EXOC4: variants seen among roughly 807,000 people sequenced by gnomAD.
The protein encoded by EXOC4 is exocyst complex component 4.
Under a neutral mutation model 107.2 loss-of-function variants are expected in EXOC4, and 71 were observed. The ratio of observed to expected loss-of-function variants is 0.66; its 90% CI spans 0.55 to 0.81. The LOEUF (loss-of-function observed/expected upper bound fraction) is 0.81, where lower values mean the gene tolerates loss of function less well. EXOC4 is among the 30% of genes least tolerant of loss of function. EXOC4 has a pLI of 0.00. For synonymous variants in EXOC4, 456 were observed against 441.2 expected, an observed-to-expected ratio of 1.03 and a Z score of -0.42; for missense variants, 1,108 against 1,189.6, an observed-to-expected ratio of 0.93 and a Z score of 1.01.
In EXOC4 at chr7:133,374,899, T is replaced by C; in HGVS notation, c.1079T>C (p.Leu360Pro). 6.2e-7 allele frequency: 1 copy of C among 1,614,034 alleles called. No individual in the cohort carries two copies. ...GTAGCCGCTGCACACTCTGTGGTCC[T>C]GGGATACCTGCAGGACACTGTAGTG... ...NAVAAAHSVVLGYLQDTVVTP... is the reference protein window; with the variant it reads ...NAVAAAHSVVPGYLQDTVVTP... Residue 360 changes from leucine to proline, a missense_variant, in exon 7 of 18, where the codon CTG (leucine) becomes CCG (proline). By Grantham distance (98) the Leu-to-Pro change is moderately conservative (BLOSUM62 -3). Transcript: ENST00000253861.
chr7:133,320,582 G>A (rs538676624), intron 5 of EXOC4, among the ~76,000 whole-genome samples: 2 of 152,232 alleles, frequency 1.3e-5, no homozygotes, highest in Admixed American at 1.3e-4. Context: ...AGTCTCCTTT[G>A]CCATGTGACT....
At chr7:133,676,959 G>GTGTGTGTGTGTGTGTGTGTGTGTGTGTA (rs1554382531) in intron 10 of EXOC4, among the ~76,000 whole-genome samples, 4 of 138,670 alleles carry the variant, frequency 2.9e-5, no homozygotes, top group Admixed American at 7.4e-5. Flanking sequence ...GTGTGTGTAT[G>GTGTGTGTGTGTGTGTGTGTGTGTGTGTA]TGTGTGTGTG....
At chr7:133,749,921 T>C (rs1361853669) in intron 10 of EXOC4, among the ~76,000 whole-genome samples, 2 of 149,862 alleles carry the variant, frequency 1.3e-5, no homozygotes, top group African/African-American at 4.9e-5. Flanking sequence ...GATATTCTGC[T>C]CTCCCTTATT....
chr7:133,906,084 G>A (rs533803672), intron 12 of EXOC4, among the ~76,000 whole-genome samples: 131 of 152,306 alleles, frequency 8.6e-4, no homozygotes, highest in South Asian at 6.6e-3. Context: ...AGGTAAAAGA[G>A]TGCTTTCATA....
chr7:133,484,148 A>T, intron 9 of EXOC4: 1 of 1,609,014 alleles, frequency 6.2e-7, no homozygotes, highest in Non-Finnish European at 8.5e-7. Context: ...ATACAATTAG[A>T]AATGTGACTC....
intron 7 of EXOC4, among the ~76,000 whole-genome samples, chr7:133,401,947 T>C (rs1797100183): frequency 6.6e-6 from 1 of 152,178 alleles, no homozygotes. Context: ...AGAACCTTGG[T>C]AACACATTTG....
At chr7:133,286,114 G>A (rs1330232050) in intron 2 of EXOC4, among the ~76,000 whole-genome samples, 1 of 152,024 alleles carries the variant, frequency 6.6e-6, no homozygotes, top group Non-Finnish European at 1.5e-5. Context: ...TACTCCATTT[G>A]TTTCGCTTTT....
At chr7:133,474,618 T>A (rs532179793) in intron 7 of EXOC4, among the ~76,000 whole-genome samples, 2 of 152,104 alleles carry the variant, frequency 1.3e-5, no homozygotes, top group African/African-American at 4.8e-5. Flanking sequence ...TAGCTAGTAG[T>A]TGATTTTTTA....
intron 17 of EXOC4, among the ~76,000 whole-genome samples, chr7:134,061,510 C>T (rs1206701488): frequency 6.6e-6 from 1 of 152,008 alleles, no homozygotes; most frequent in Non-Finnish European, 1.5e-5. Context: ...CATAGGCGCC[C>T]CAAGGTAATT....
At chr7:133,787,072 A>C (rs1796584249) in intron 10 of EXOC4, among the ~76,000 whole-genome samples, 1 of 152,192 alleles carries the variant, frequency 6.6e-6, no homozygotes, top group South Asian at 2.1e-4. Context: ...TAGGCGTAAA[A>C]GATTCATGAA....
Position 133,459,684 on chromosome 7 carries a change from A to G in EXOC4, c.1183-15644A>G, listed in dbSNP as rs191831473. ...CATATGCTGCCAATCATACAGTGTG[A>G]TTTTCATTTACTGATAGAATTGGGC... On this transcript the variant is annotated intron_variant, in intron 7 of 17. Coordinates refer to ENST00000253861, the MANE Select transcript of EXOC4 (RefSeq NM_021807.4). 3.3e-5 allele frequency among the ~76,000 whole-genome samples: 5 copies of G among 152,240 alleles called. No individual in the cohort carries two copies. The East Asian group carries it at 9.6e-4, about 29-fold the overall frequency.
intron 10 of EXOC4, among the ~76,000 whole-genome samples, chr7:133,783,680 G>T (rs1585142131): frequency 6.6e-6 from 1 of 152,298 alleles, no homozygotes; most frequent in East Asian, 1.9e-4. Flanking sequence ...AAAAACTGTA[G>T]ATGATTTGGA....
At position 133,910,300 on chromosome 7, in the gene EXOC4, A is replaced by G. The variant is rs187834097; in HGVS notation, c.1872-7283A>G. On this transcript the variant is annotated intron_variant, in intron 12 of 17. Coordinates refer to ENST00000253861, the MANE Select transcript of EXOC4 (RefSeq NM_021807.4). ...TTTTCTTCTTGATCTTTTAAGTGTCAAACAGTTATGATCCTTCATATGAGA... is the reference window on the plus strand; with the variant it reads ...TTTTCTTCTTGATCTTTTAAGTGTCGAACAGTTATGATCCTTCATATGAGA... Among the ~76,000 whole-genome samples, 762 of 152,322 alleles carry G rather than the reference A, an allele frequency of 5.0e-3. 3 individuals carry two copies. The highest frequency in any genetic ancestry group is 8.2e-3 in the Non-Finnish European group (561 of 68,026).
intron 10 of EXOC4, among the ~76,000 whole-genome samples, chr7:133,731,711 G>A (rs1353128815): frequency 6.6e-6 from 1 of 152,086 alleles, no homozygotes; most frequent in East Asian, 1.9e-4. Flanking sequence ...CTCAGCTATA[G>A]AATGGGTATA....
At chr7:133,802,157 G>A (rs1046575758) in intron 10 of EXOC4, among the ~76,000 whole-genome samples, 1 of 152,126 alleles carries the variant, frequency 6.6e-6, no homozygotes, top group Non-Finnish European at 1.5e-5. Flanking sequence ...GACTAATTAG[G>A]AACCAGATCT....
At chr7:133,915,205 G>A (rs1799779418) in intron 12 of EXOC4, among the ~76,000 whole-genome samples, 1 of 151,538 alleles carries the variant, frequency 6.6e-6, no homozygotes, top group Non-Finnish European at 1.5e-5. Context: ...AGAGGGAGCA[G>A]CTTTGTTAGA....
intron 7 of EXOC4, among the ~76,000 whole-genome samples, chr7:133,404,867 CT>C (rs1797176237): frequency 9.4e-6 from 1 of 105,922 alleles, no homozygotes; most frequent in African/African-American, 3.8e-5. Flanking sequence ...CCTCCACCCC[CT>C]GCGCCCCCCC....
At chr7:133,609,001 CTATTT>C (rs1802017802) in intron 9 of EXOC4, among the ~76,000 whole-genome samples, 1 of 152,146 alleles carries the variant, frequency 6.6e-6, no homozygotes, top group Non-Finnish European at 1.5e-5. Flanking sequence ...TTGGGTTCAT[CTATTT>C]TATTTTATTT....
the EXOC4 span, among the ~76,000 whole-genome samples, chr7:134,076,243 C>T: frequency 3.0e-3 from 455 of 152,184 alleles, no homozygotes; most frequent in African/African-American, 0.01. Flanking sequence ...CAAGGCTGGG[C>T]GCAGTGGCTC....
Sources: allele counts gnomAD v4.1 joint callset (sites outside exome capture counted in the v4.1 genomes callset), GRCh38; gene constraint gnomAD v4.1.1; transcripts MANE v1.5; gene names NCBI Gene and HGNC (gene_info 2026-07-23, HGNC 2026-07-21).